CSMD1: variants seen among roughly 807,000 people sequenced by gnomAD.
The protein encoded by CSMD1 is CUB and Sushi multiple domains 1.
A neutral mutation model predicts 417.5 loss-of-function variants in CSMD1; 213 were observed. The observed-to-expected ratio is 0.51, with a 90% confidence interval of 0.46 to 0.57. The LOEUF is 0.57. CSMD1 is among the 20% of genes least tolerant of loss of function. The pLI is 0.00. For missense variants in CSMD1, 6,923 were observed against 4,529.7 expected, an observed-to-expected ratio of 1.53 and a Z score of -15.17; for synonymous variants, 2,862 against 1,736.8, an observed-to-expected ratio of 1.65 and a Z score of -16.11.
intron 1 of CSMD1, among the ~76,000 whole-genome samples, chr8:4,746,065 C>T (rs1563276973): frequency 2.0e-5 from 3 of 152,196 alleles, no homozygotes; most frequent in Non-Finnish European, 1.5e-5. Context: ...ATTTTTGTTA[C>T]TGTCAGCCCC....
intron 50 of CSMD1, among the ~76,000 whole-genome samples, chr8:3,045,212 G>A (rs985843987): frequency 3.9e-5 from 6 of 152,120 alleles, no homozygotes; most frequent in Admixed American, 1.3e-4. Flanking sequence ...ATTTCCTCAT[G>A]TTACTGAACA....
chr8:3,567,277 G>C (rs1224760578), intron 10 of CSMD1, among the ~76,000 whole-genome samples: 1 of 152,072 alleles, frequency 6.6e-6, no homozygotes, highest in East Asian at 1.9e-4. Flanking sequence ...GGAGGGTGCA[G>C]GGTGGGAGGA....
At chr8:3,675,123 C>G (rs1010651745) in intron 7 of CSMD1, among the ~76,000 whole-genome samples, 2 of 152,186 alleles carry the variant, frequency 1.3e-5, no homozygotes, top group African/African-American at 4.8e-5. Flanking sequence ...CCTCCCCTCA[C>G]CACTTTCCCA....
rs753197898 is a variant in CSMD1 at position 4,086,066 on chromosome 8, A to G, written c.416-53967T>C. ...AAATAGATGCAATCAAGTATCAACA[A>G]ACGTATTTTTTCCATATTTAATCTC... On this transcript the variant is annotated intron_variant, in intron 3 of 69. Coordinates refer to ENST00000635120, the MANE Select transcript of CSMD1 (RefSeq NM_033225.6). Among the ~76,000 whole-genome samples the G allele has an allele frequency of 3.8e-4, 58 of 152,350 alleles. 1 individual carries two copies. The highest frequency in any genetic ancestry group is 3.4e-3 in the Middle Eastern group (1 of 294).
chr8:3,167,799 A>C (rs1820325124), intron 37 of CSMD1, among the ~76,000 whole-genome samples: 1 of 152,172 alleles, frequency 6.6e-6, no homozygotes, highest in African/African-American at 2.4e-5. Flanking sequence ...AGAATATAAC[A>C]ATCAGCCTCA....
At chr8:4,560,362 A>G (rs1459406341) in intron 2 of CSMD1, among the ~76,000 whole-genome samples, 1 of 152,176 alleles carries the variant, frequency 6.6e-6, no homozygotes, top group Non-Finnish European at 1.5e-5. Context: ...GAGTCATTAT[A>G]TTTCTTCCTG....
chr8:3,610,341 T>A (rs940806177), intron 8 of CSMD1, among the ~76,000 whole-genome samples: 1 of 152,182 alleles, frequency 6.6e-6, no homozygotes, highest in Admixed American at 6.5e-5. Context: ...GAAACCAGCC[T>A]AGGCAACACA....
intron 3 of CSMD1, among the ~76,000 whole-genome samples, chr8:4,179,315 C>T (rs1396607649): frequency 6.6e-6 from 1 of 152,102 alleles, no homozygotes; most frequent in African/African-American, 2.4e-5. Context: ...CTGACAAAAC[C>T]AAGCAATGGG....
intron 5 of CSMD1, among the ~76,000 whole-genome samples, chr8:3,814,012 T>C (rs1213938164): frequency 6.6e-6 from 1 of 152,196 alleles, no homozygotes; most frequent in East Asian, 1.9e-4. Context: ...AACAGATTAA[T>C]GCAACAGATT....
intron 3 of CSMD1, among the ~76,000 whole-genome samples, chr8:4,397,421 A>G (rs1223557993): frequency 6.6e-6 from 1 of 151,492 alleles, no homozygotes; most frequent in African/African-American, 2.4e-5. Flanking sequence ...AGAAATCATT[A>G]GGAACATGGA....
At chr8:4,393,164 C>T (rs1410896211) in intron 3 of CSMD1, among the ~76,000 whole-genome samples, 3 of 151,638 alleles carry the variant, frequency 2.0e-5, no homozygotes, top group South Asian at 2.1e-4. Flanking sequence ...TTAGTAGAGA[C>T]GAAGTTTCAC....
intron 36 of CSMD1, among the ~76,000 whole-genome samples, chr8:3,183,559 G>A (rs1205353615): frequency 7.9e-6 from 1 of 125,900 alleles, no homozygotes; most frequent in East Asian, 2.4e-4. Context: ...GAAACATCGA[G>A]TAGGTCTCTA....
chr8:3,831,021 G>C (rs560859895), intron 5 of CSMD1, among the ~76,000 whole-genome samples: 26 of 152,248 alleles, frequency 1.7e-4, no homozygotes, highest in African/African-American at 5.8e-4. Context: ...TGTTGGCTCT[G>C]AAGGCAGCTT....
intron 42 of CSMD1, among the ~76,000 whole-genome samples, chr8:3,117,621 G>T (rs552532308): frequency 5.3e-4 from 80 of 152,176 alleles, no homozygotes; most frequent in Non-Finnish European, 7.9e-4. Context: ...ACATAGTATG[G>T]ATCTATTTAT....
intron 10 of CSMD1, among the ~76,000 whole-genome samples, chr8:3,494,228 TGTAA>T (rs1290846126): frequency 6.6e-6 from 1 of 152,050 alleles, no homozygotes; most frequent in African/African-American, 2.4e-5. Flanking sequence ...TTGCAAAGCC[TGTAA>T]GTTTTTTGTT....
chr8:4,859,889 A>T (rs1299781224), intron 1 of CSMD1, among the ~76,000 whole-genome samples: 1 of 152,088 alleles, frequency 6.6e-6, no homozygotes, highest in African/African-American at 2.4e-5. Flanking sequence ...ATACCATTTG[A>T]CCCAGCCATC....
At chr8:4,902,606 C>T (rs1585295008) in intron 1 of CSMD1, among the ~76,000 whole-genome samples, 1 of 152,146 alleles carries the variant, frequency 6.6e-6, no homozygotes, top group South Asian at 2.1e-4. Context: ...CATCCTTTGA[C>T]CATTGTAATA....
At chr8:2,938,857 C>T (rs568999814) in intron 69 of CSMD1, 113 bp from the exon 70 acceptor site, 37 of 908,758 alleles carry the variant, frequency 4.1e-5, no homozygotes, top group Middle Eastern at 4.5e-4. Flanking sequence ...ATAGCCAGGA[C>T]GTTTGCAAAG....
At chr8:4,423,003 A>G (rs1453941293) in intron 2 of CSMD1, among the ~76,000 whole-genome samples, 2 of 152,196 alleles carry the variant, frequency 1.3e-5, no homozygotes, top group South Asian at 2.1e-4. Flanking sequence ...GTTCTCAGTA[A>G]CATATGATTG....
Sources: gnomAD v4.1 joint callset for allele counts (sites outside exome capture counted in the v4.1 genomes callset) on GRCh38, gnomAD v4.1.1 for gene constraint, MANE v1.5 for transcripts, NCBI Gene and HGNC (gene_info 2026-07-23, HGNC 2026-07-21) for gene names.